The following CDH13 variants were observed in gnomAD, a reference collection of about 807,000 sequenced individuals.
The protein encoded by CDH13 is cadherin-13.
CDH13 carries 24 observed loss-of-function variants against 63.8 expected under a neutral mutation model. The ratio of observed to expected loss-of-function variants is 0.38; its 90% CI spans 0.27 to 0.53. The LOEUF (loss-of-function observed/expected upper bound fraction) is 0.53. Among genes scored for constraint, CDH13 ranks in the 20% least tolerant of loss-of-function variants. The probability of loss-of-function intolerance (pLI) is 0.85; values close to 1 mark genes in which losing one functional copy is unlikely to be tolerated. For missense variants in CDH13, 1,049 were observed against 903.1 expected, an observed-to-expected ratio of 1.16 and a Z score of -2.07; for synonymous variants, 503 against 355.3, an observed-to-expected ratio of 1.42 and a Z score of -4.67.
At chr16:83,748,802 T>G (rs1166199934) in intron 11 of CDH13, among the ~76,000 whole-genome samples, 1 of 152,128 alleles carries the variant, frequency 6.6e-6, no homozygotes, top group Non-Finnish European at 1.5e-5. Flanking sequence ...GGCGCAGCAG[T>G]AAACAAAAAG....
chr16:83,310,722 G>T (rs545244102), intron 5 of CDH13, among the ~76,000 whole-genome samples: 7 of 152,306 alleles, frequency 4.6e-5, no homozygotes, highest in African/African-American at 1.7e-4. Flanking sequence ...GGCCATGCAT[G>T]GACCAGCACA....
chr16:82,664,835 A>G (rs1026464455), intron 1 of CDH13, among the ~76,000 whole-genome samples: 3 of 152,242 alleles, frequency 2.0e-5, no homozygotes, highest in Non-Finnish European at 4.4e-5. Flanking sequence ...TATTTGATAC[A>G]GATATTGGTT....
chr16:83,548,791 T>A (rs1157618313), intron 7 of CDH13, among the ~76,000 whole-genome samples: 1 of 152,118 alleles, frequency 6.6e-6, no homozygotes, highest in Non-Finnish European at 1.5e-5. Context: ...TCCAACCCCC[T>A]GCCTTCCAAT....
intron 4 of CDH13, among the ~76,000 whole-genome samples, chr16:83,186,840 A>T (rs1383306859): frequency 6.6e-6 from 1 of 152,198 alleles, no homozygotes; most frequent in African/African-American, 2.4e-5. Context: ...GGGGAGAAGG[A>T]GCTGAAGAAG....
At chr16:83,192,822 G>A (rs72802203) in intron 4 of CDH13, among the ~76,000 whole-genome samples, 6,460 of 152,202 alleles carry the variant, frequency 0.042, 228 homozygotes, top group Non-Finnish European at 0.057. Flanking sequence ...AAGTGTGGGT[G>A]GAACGGCCAT....
At chr16:82,805,927 C>G (rs576681154) in intron 1 of CDH13, among the ~76,000 whole-genome samples, 1 of 152,304 alleles carries the variant, frequency 6.6e-6, no homozygotes, top group African/African-American at 2.4e-5. Flanking sequence ...TTTGATCACC[C>G]TTTCTACCAG....
chr16:83,151,995 C>G (rs948084748), intron 4 of CDH13, among the ~76,000 whole-genome samples: 2 of 150,766 alleles, frequency 1.3e-5, no homozygotes, highest in Admixed American at 6.6e-5. Context: ...ACTAAGTAGC[C>G]TTTTGCAAGA....
intron 3 of CDH13, among the ~76,000 whole-genome samples, chr16:83,036,900 C>T (rs768704496): frequency 2.0e-5 from 3 of 152,128 alleles, no homozygotes; most frequent in Non-Finnish European, 1.5e-5. Context: ...GTCCACTTTT[C>T]TTGGCCAGAG....
intron 7 of CDH13, among the ~76,000 whole-genome samples, chr16:83,589,638 C>A (rs1294710827): frequency 1.3e-5 from 2 of 152,032 alleles, no homozygotes; most frequent in African/African-American, 2.4e-5. Flanking sequence ...GATCCAAAAG[C>A]CTGGTGGCAT....
At chr16:83,160,844 G>T (rs1037365385) in intron 4 of CDH13, among the ~76,000 whole-genome samples, 1 of 152,130 alleles carries the variant, frequency 6.6e-6, no homozygotes, top group Non-Finnish European at 1.5e-5. Context: ...TTAAACATCA[G>T]GTGAGAAAAA....
intron 7 of CDH13, among the ~76,000 whole-genome samples, chr16:83,496,968 C>T (rs1598155168): frequency 6.6e-6 from 1 of 152,206 alleles, no homozygotes; most frequent in African/African-American, 2.4e-5. Flanking sequence ...GAGATACCAT[C>T]TCACACCAGT....
At chr16:82,924,318 C>A (rs2042241019) in intron 2 of CDH13, among the ~76,000 whole-genome samples, 1 of 152,120 alleles carries the variant, frequency 6.6e-6, no homozygotes, top group Non-Finnish European at 1.5e-5. Flanking sequence ...CTTTCCCCAA[C>A]TTCTCCCCCT....
intron 3 of CDH13, among the ~76,000 whole-genome samples, chr16:83,068,689 C>G (rs2032212020): frequency 1.3e-5 from 2 of 152,146 alleles, no homozygotes; most frequent in Admixed American, 1.3e-4. Flanking sequence ...TGCCCCACAG[C>G]TCTGCAAGAA....
intron 6 of CDH13, among the ~76,000 whole-genome samples, chr16:83,389,907 A>G (rs1414892123): frequency 6.6e-6 from 1 of 152,214 alleles, no homozygotes; most frequent in African/African-American, 2.4e-5. Flanking sequence ...GTCTGATAAC[A>G]TCAAAGCTGG....
intron 1 of CDH13, among the ~76,000 whole-genome samples, chr16:82,635,233 A>G (rs746787032): frequency 6.6e-6 from 1 of 152,268 alleles, no homozygotes; most frequent in Non-Finnish European, 1.5e-5. Context: ...GAATGAACAA[A>G]TGAATGAATG....
At chr16:82,827,888 T>C (rs1335272671) in intron 1 of CDH13, among the ~76,000 whole-genome samples, 2 of 152,116 alleles carry the variant, frequency 1.3e-5, no homozygotes, top group Non-Finnish European at 2.9e-5. Context: ...TTCACTGATT[T>C]GTCACACTAA....
intron 10 of CDH13, among the ~76,000 whole-genome samples, chr16:83,720,175 A>G (rs1909497367): frequency 6.6e-6 from 1 of 152,110 alleles, no homozygotes; most frequent in Non-Finnish European, 1.5e-5. Flanking sequence ...GATCCAGTAC[A>G]TACGTACACA....
At chr16:83,287,920 G>T (rs1211058437) in intron 5 of CDH13, among the ~76,000 whole-genome samples, 2 of 152,092 alleles carry the variant, frequency 1.3e-5, no homozygotes, top group African/African-American at 4.8e-5. Flanking sequence ...AAATGTTAAA[G>T]ACAGGATCAA....
intron 6 of CDH13, among the ~76,000 whole-genome samples, chr16:83,373,028 G>C (rs570798628): frequency 6.6e-6 from 1 of 152,062 alleles, no homozygotes. Context: ...ATAGTTTATC[G>C]TCATATCAAT....
Sources: allele counts gnomAD v4.1 joint callset (sites outside exome capture counted in the v4.1 genomes callset), GRCh38; gene constraint gnomAD v4.1.1; transcripts MANE v1.5; gene names NCBI Gene and HGNC (gene_info 2026-07-23, HGNC 2026-07-21).